KCNC2: variants seen among roughly 807,000 people sequenced by gnomAD.
KCNC2 encodes the protein potassium voltage-gated channel subfamily C member 2, also known as voltage-gated potassium channel KCNC2.
KCNC2 carries 21 observed loss-of-function variants against 44.5 expected under a neutral mutation model. That is an observed-to-expected ratio of 0.47 (90% CI 0.33 to 0.68). KCNC2 has a LOEUF of 0.68. Among genes scored for constraint, KCNC2 ranks in the 30% least tolerant of loss-of-function variants. KCNC2 has a pLI of 0.01. For synonymous variants in KCNC2, 391 were observed against 339.1 expected, an observed-to-expected ratio of 1.15 and a Z score of -1.68; for missense variants, 589 against 826.2, an observed-to-expected ratio of 0.71 and a Z score of 3.52.
In KCNC2 at chr12:75,105,130, A is replaced by T. The variant is rs558641876; in HGVS notation, c.688-53813T>A. ...AATAATAAAGCAAAGAAGTTGAATA[A>T]AAATGGCTAGATGTACAGGGAGTGA... is the stretch of plus-strand genomic sequence containing the variant. On this transcript the variant is annotated intron_variant, in intron 2 of 4. Coordinates refer to ENST00000549446, the MANE Select transcript of KCNC2 (RefSeq NM_139137.4). Among the ~76,000 whole-genome samples the T allele has an allele frequency of 2.0e-5, 3 of 152,316 alleles. No homozygotes were observed. In the South Asian group the frequency reaches 6.2e-4, roughly 32 times the overall value.
chr12:75,203,589 C>A (rs1249991065), intron 2 of KCNC2, among the ~76,000 whole-genome samples: 1 of 151,712 alleles, frequency 6.6e-6, no homozygotes, highest in East Asian at 1.9e-4. Context: ...AGTGGGGTTC[C>A]ATGGCAGTTA....
rs550133000 is a variant in KCNC2, at chr12:75,209,540, C to T, written c.-353G>A. ...TCCAGCCGGCACTGCCCGACCCCTC[C>T]GGGAGCGGGCAGATCGGCTGGCCGT... is the stretch of plus-strand genomic sequence containing the variant. On this transcript the variant is annotated 5_prime_UTR_variant, in exon 1 of 5. Coordinates refer to ENST00000549446, the MANE Select transcript of KCNC2 (RefSeq NM_139137.4). 1.3e-5 allele frequency: 2 copies of T among 152,362 alleles called. No homozygotes were observed. The highest frequency in any genetic ancestry group is 1.9e-4 in the East Asian group (1 of 5,154). The allele number at this position is 152,362 out of a possible 1,614,324, so 9.4% of individuals were successfully genotyped here.
At chr12:75,077,411 A>G (rs1345639500) in intron 2 of KCNC2, among the ~76,000 whole-genome samples, 2 of 152,232 alleles carry the variant, frequency 1.3e-5, no homozygotes, top group African/African-American at 2.4e-5. Flanking sequence ...TTTCAGTAAT[A>G]TAACTTCACA....
At chr12:75,077,183 T>A (rs1903021) in intron 2 of KCNC2, among the ~76,000 whole-genome samples, 25,250 of 152,152 alleles carry the variant, frequency 0.17, 2,541 homozygotes, top group Admixed American at 0.27. Flanking sequence ...TTAAGTTTAG[T>A]CCTCATGTAC....
At chr12:75,113,855 T>C (rs1887443051) in intron 2 of KCNC2, among the ~76,000 whole-genome samples, 1 of 152,172 alleles carries the variant, frequency 6.6e-6, no homozygotes, top group African/African-American at 2.4e-5. Flanking sequence ...ACTGTGCTGA[T>C]ACTACCACAC....
In KCNC2 at chr12:75,050,434, G is replaced by A. The variant is rs1298358655; in HGVS notation, c.1571C>T (p.Thr524Ile). Reference protein sequence around the residue: ...NMACNSTQSDTCLGKDNRLLE... With the variant: ...NMACNSTQSDICLGKDNRLLE... ...AAGTCGATTGTCTTTGCCCAGACAT[G>A]TGTCACTCTGTGTACTATTGCAGGC... The change falls in exon 3 of 5, where the codon ACA (threonine) becomes ATA (isoleucine). Residue 524 changes from threonine (T) to isoleucine (I), a missense_variant. By Grantham distance (89) the Thr-to-Ile change is moderately conservative. Coordinates refer to ENST00000549446, the MANE Select transcript of KCNC2 (RefSeq NM_139137.4). 5 of 1,613,356 alleles carry A rather than the reference G, an allele frequency of 3.1e-6. No homozygotes were observed. Among genetic ancestry groups the A allele is most frequent in the Non-Finnish European group, 3.4e-6 (4 of 1,179,584 alleles).
At chr12:75,084,286 TAGATGATAGATA>T (rs1262300546) in intron 2 of KCNC2, among the ~76,000 whole-genome samples, 2 of 128,898 alleles carry the variant, frequency 1.6e-5, no homozygotes, top group African/African-American at 3.2e-5. Flanking sequence ...GATAGATAGA[TAGATGATAGATA>T]GATAGATAGA....
chr12:75,103,870 C>A (rs1225501387), intron 2 of KCNC2, among the ~76,000 whole-genome samples: 1 of 152,200 alleles, frequency 6.6e-6, no homozygotes, highest in East Asian at 1.9e-4. Flanking sequence ...GTGAAATGGT[C>A]TCTCTCAAAA....
chr12:75,159,883 T>C (rs1012424982), intron 2 of KCNC2, among the ~76,000 whole-genome samples: 1 of 151,876 alleles, frequency 6.6e-6, no homozygotes, highest in Non-Finnish European at 1.5e-5. Flanking sequence ...TATGAGTTAA[T>C]TGAGGATAGG....
At chr12:75,162,964 C>T (rs969105386) in intron 2 of KCNC2, among the ~76,000 whole-genome samples, 1 of 151,614 alleles carries the variant, frequency 6.6e-6, no homozygotes, top group African/African-American at 2.4e-5. Context: ...GTAAGTTGCC[C>T]CCACTAAGCA....
intron 2 of KCNC2, among the ~76,000 whole-genome samples, chr12:75,066,530 T>TCAATCAACAAC: frequency 6.6e-6 from 1 of 152,310 alleles, no homozygotes; most frequent in East Asian, 1.9e-4. Context: ...TTCTGTTAAT[T>TCAATCAACAAC]TTACTGAGAT....
intron 2 of KCNC2, among the ~76,000 whole-genome samples, chr12:75,177,701 TAGA>T (rs1403477871): frequency 1.3e-5 from 2 of 152,074 alleles, no homozygotes; most frequent in Admixed American, 6.6e-5. Flanking sequence ...TTGAGAACTT[TAGA>T]AGAATGATTT....
Position 75,042,045 on chromosome 12 carries a change from A to G in KCNC2, c.*1060T>C, listed in dbSNP as rs773275823. 113 of 1,152,874 alleles carry G rather than the reference A, an allele frequency of 9.8e-5. No homozygotes were observed. The highest frequency in any genetic ancestry group is 1.1e-4 in the Non-Finnish European group (106 of 938,944). 71.4% of individuals were successfully genotyped at this position (1,152,874 alleles called of 1,614,324 possible). ...ATCTGATTAATCTTTTGACTCAGGA[A>G]TTTAAGGCTAGTCAAAAAAGCCTTC... On this transcript the variant is annotated 3_prime_UTR_variant, in exon 5 of 5. Transcript: ENST00000549446.
chr12:75,079,447 G>A (rs1421299850), intron 2 of KCNC2, among the ~76,000 whole-genome samples: 1 of 152,110 alleles, frequency 6.6e-6, no homozygotes, highest in Non-Finnish European at 1.5e-5. Context: ...ATTTTTAATT[G>A]TAATTGGCAC....
intron 2 of KCNC2, among the ~76,000 whole-genome samples, chr12:75,133,435 C>A (rs1888995919): frequency 6.7e-6 from 1 of 149,204 alleles, no homozygotes; most frequent in African/African-American, 2.5e-5. Context: ...AAAAGGAAAA[C>A]AATACTACAG....
chr12:75,175,765 G>A (rs898485679), intron 2 of KCNC2, among the ~76,000 whole-genome samples: 6 of 151,960 alleles, frequency 3.9e-5, no homozygotes, highest in Admixed American at 2.6e-4. Flanking sequence ...TAATACTTTG[G>A]AGTTTCATTT....
intron 2 of KCNC2, among the ~76,000 whole-genome samples, chr12:75,107,242 T>C (rs11180364): frequency 0.16 from 24,536 of 152,068 alleles, 2,064 homozygotes; most frequent in Middle Eastern, 0.23. Flanking sequence ...AGGTGGAGGT[T>C]GCAGTGAGCC....
At chr12:75,117,814 A>G (rs997426240) in intron 2 of KCNC2, among the ~76,000 whole-genome samples, 4 of 152,206 alleles carry the variant, frequency 2.6e-5, no homozygotes, top group Non-Finnish European at 4.4e-5. Flanking sequence ...AACGAAGATC[A>G]TATGAGGTAA....
At chr12:75,112,012 T>C (rs1887292443) in intron 2 of KCNC2, among the ~76,000 whole-genome samples, 1 of 151,830 alleles carries the variant, frequency 6.6e-6, no homozygotes, top group Admixed American at 6.6e-5. Flanking sequence ...AAATAACAAA[T>C]ACTCTATGCA....
Sources: allele counts gnomAD v4.1 joint callset (sites outside exome capture counted in the v4.1 genomes callset), GRCh38; gene constraint gnomAD v4.1.1; transcripts MANE v1.5; gene names NCBI Gene and HGNC (gene_info 2026-07-23, HGNC 2026-07-21).